The following TMEM229B variants were observed in gnomAD, a reference collection of about 807,000 sequenced individuals.
TMEM229B encodes chromosome 14 open reading frame 83.
In TMEM229B, 6 loss-of-function variants were observed where a neutral mutation model predicts 13.7. The observed-to-expected ratio is 0.44, with a 90% CI of 0.24 to 0.86. The LOEUF is 0.86. Ranked by LOEUF, TMEM229B falls within the 40% of genes least tolerant of loss-of-function variation. The pLI is 0.23. For missense variants in TMEM229B, 170 were observed against 236.0 expected (o/e 0.72, Z 1.83); for synonymous variants, 107 against 102.1 (o/e 1.05, Z -0.29).
chr14:67,478,627 C>T (rs2031378096), intron 2 of TMEM229B, among the ~76,000 whole-genome samples: 1 of 152,250 alleles, frequency 6.6e-6, no homozygotes, highest in African/African-American at 2.4e-5. Flanking sequence ...CTGGGGACGG[C>T]TGGCAAAGCC....
chr14:67,500,471 A>T lies in TMEM229B; in HGVS notation c.-191-13299T>A, dbSNP rs988968019. On this transcript the variant is annotated intron_variant, in intron 1 of 2. Transcript: ENST00000357461. Reference sequence around the variant, plus strand: ...ATCAGGGCAACAAGAGTGACACTCCATCTCAAACAAAACAAAACAAAAACA... The same window carrying T: ...ATCAGGGCAACAAGAGTGACACTCCTTCTCAAACAAAACAAAACAAAAACA... Among the ~76,000 whole-genome samples the T allele has an allele frequency of 3.3e-5, 5 of 152,164 alleles. No individual in the cohort carries two copies. In the East Asian group the frequency reaches 9.6e-4, roughly 29 times the overall value.
intron 2 of TMEM229B, among the ~76,000 whole-genome samples, chr14:67,482,021 C>T (rs1263907629): frequency 6.6e-6 from 1 of 152,218 alleles, no homozygotes; most frequent in East Asian, 1.9e-4. Flanking sequence ...GCTTCACAAG[C>T]AGGGTTTCAT....
At chr14:67,495,618 G>A (rs2032336029) in intron 1 of TMEM229B, among the ~76,000 whole-genome samples, 1 of 152,080 alleles carries the variant, frequency 6.6e-6, no homozygotes, top group Non-Finnish European at 1.5e-5. Context: ...GAGTAGCTGG[G>A]ATTACAGGTG....
At chr14:67,503,043 C>A (rs1451374000) in intron 1 of TMEM229B, among the ~76,000 whole-genome samples, 1 of 152,072 alleles carries the variant, frequency 6.6e-6, no homozygotes, top group East Asian at 1.9e-4. Flanking sequence ...GAGAGCCTTG[C>A]GTAAGTTAGC....
At chr14:67,509,027 G>T (rs1411690280) in intron 1 of TMEM229B, among the ~76,000 whole-genome samples, 4 of 152,142 alleles carry the variant, frequency 2.6e-5, no homozygotes, top group African/African-American at 4.8e-5. Context: ...AATCTGCAAA[G>T]ATAAGCTTCT....
At chr14:67,517,151 C>T (rs7161368), upstream of TMEM229B, among the ~76,000 whole-genome samples, 63,472 of 152,016 alleles carry the variant, frequency 0.42, 13,840 homozygotes, top group Non-Finnish European at 0.48. Context: ...CAGGGACACG[C>T]TGGCAAGAAG....
At chr14:67,498,556 G>A (rs2032481803) in intron 1 of TMEM229B, among the ~76,000 whole-genome samples, 1 of 152,182 alleles carries the variant, frequency 6.6e-6, no homozygotes, top group African/African-American at 2.4e-5. Flanking sequence ...TTCAGATAAT[G>A]TGCCCTAAAA....
chr14:67,501,551 A>C (rs1321370296), intron 1 of TMEM229B, among the ~76,000 whole-genome samples: 1 of 152,074 alleles, frequency 6.6e-6, no homozygotes, highest in African/African-American at 2.4e-5. Context: ...TATTTTAAAA[A>C]ATCAAGTTGG....
upstream of TMEM229B, among the ~76,000 whole-genome samples, chr14:67,490,349 C>G (rs991707212): frequency 2.6e-5 from 4 of 152,122 alleles, no homozygotes; most frequent in Non-Finnish European, 5.9e-5. Context: ...CCTGGGTTTG[C>G]ACAATACAGA....
chr14:67,490,942 G>C (rs2032145752), upstream of TMEM229B, among the ~76,000 whole-genome samples: 1 of 152,132 alleles, frequency 6.6e-6, no homozygotes, highest in Non-Finnish European at 1.5e-5. Context: ...TTCTCCAGCA[G>C]ACACCAACTG....
chr14:67,522,820 A>G (rs2033310656), intron 1 of TMEM229B, among the ~76,000 whole-genome samples: 1 of 152,152 alleles, frequency 6.6e-6, no homozygotes. Flanking sequence ...CCCCATCTCT[A>G]TTCTTTTTAC....
chr14:67,495,056 C>T (rs914772764), intron 1 of TMEM229B, among the ~76,000 whole-genome samples: 1 of 152,278 alleles, frequency 6.6e-6, no homozygotes, highest in African/African-American at 2.4e-5. Context: ...CTTTTCTGTA[C>T]ATTTGAAATT....
chr14:67,511,099 G>A (rs745568450), intron 1 of TMEM229B, among the ~76,000 whole-genome samples: 12 of 152,160 alleles, frequency 7.9e-5, no homozygotes, highest in Non-Finnish European at 1.8e-4. Context: ...CAATGGAAAC[G>A]GATCATTCCA....
intron 1 of TMEM229B, among the ~76,000 whole-genome samples, chr14:67,513,601 GCA>G (rs2033098680): frequency 6.6e-6 from 1 of 152,178 alleles, no homozygotes; most frequent in South Asian, 2.1e-4. Flanking sequence ...TGTCATCTCA[GCA>G]CACCCCTGAG....
At chr14:67,494,388 A>G (rs2032285934) in intron 1 of TMEM229B, among the ~76,000 whole-genome samples, 1 of 152,234 alleles carries the variant, frequency 6.6e-6, no homozygotes, top group Non-Finnish European at 1.5e-5. Flanking sequence ...AGCTTTCTCA[A>G]GGTCACAGTG....
At chr14:67,531,825 T>A (rs1023170961) in intron 1 of TMEM229B, among the ~76,000 whole-genome samples, 3 of 147,928 alleles carry the variant, frequency 2.0e-5, no homozygotes, top group African/African-American at 7.6e-5. Flanking sequence ...GGAGGATTGC[T>A]TGAGCCCAGG....
chr14:67,492,656 C>T (rs1343443056), upstream of TMEM229B, among the ~76,000 whole-genome samples: 3 of 152,222 alleles, frequency 2.0e-5, no homozygotes, highest in Non-Finnish European at 4.4e-5. Context: ...CTGGACCGCT[C>T]TTATGGTGTG....
exon 1 of TMEM229B, chr14:67,515,221 A>G (rs910638780): frequency 6.6e-6 from 1 of 151,622 alleles, no homozygotes; most frequent in African/African-American, 2.4e-5. Context: ...GCTCTCCTGC[A>G]CCGCCTGCTC....
At chr14:67,532,056 A>T (rs2033476150) in intron 1 of TMEM229B, among the ~76,000 whole-genome samples, 1 of 152,158 alleles carries the variant, frequency 6.6e-6, no homozygotes. Flanking sequence ...GGGCTAATCT[A>T]TCCCAATCCC....
Sources: gnomAD v4.1 joint callset for allele counts (sites outside exome capture counted in the v4.1 genomes callset) on GRCh38, gnomAD v4.1.1 for gene constraint, MANE v1.5 for transcripts, NCBI Gene and HGNC (gene_info 2026-07-23, HGNC 2026-07-21) for gene names.